The following AMDHD1 variants were observed in gnomAD, a reference collection of about 807,000 sequenced individuals.
The protein encoded by AMDHD1 is probable imidazolonepropionase.
A neutral mutation model predicts 44.1 loss-of-function variants in AMDHD1; 45 were observed. The observed-to-expected ratio is 1.02, with a 90% CI of 0.80 to 1.31. AMDHD1 has a LOEUF of 1.31. Among genes scored for constraint, AMDHD1 ranks in the 50% most tolerant of loss-of-function variants. The pLI is 0.00. For synonymous variants in AMDHD1, 206 were observed against 205.0 expected (o/e 1.00, Z -0.04); for missense variants, 586 against 552.1 (o/e 1.06, Z -0.61).
At chr12:95,958,031 C>T (rs1296618518) in intron 4 of AMDHD1, among the ~76,000 whole-genome samples, 1 of 151,946 alleles carries the variant, frequency 6.6e-6, no homozygotes, top group East Asian at 1.9e-4. Context: ...CCAGCCTGGG[C>T]GACAGAGCAA....
At position 95,964,032 on chromosome 12, in the gene AMDHD1, T is replaced by TAAAAAAAAAAA. The variant is rs35799594; in HGVS notation, c.938+1561_938+1571dup. ...CAACAGAGTGAGTGAGATTCCATCT[T>TAAAAAAAAAAA]AAAAAAAAAAAAAAAAAAGGCCTTT... On this transcript the variant is annotated intron_variant, in intron 6 of 8. Transcript: ENST00000266736. Among the ~76,000 whole-genome samples the TAAAAAAAAAAA allele has an allele frequency of 3.9e-3, 461 of 119,200 alleles. 8 individuals are homozygous for TAAAAAAAAAAA. Among genetic ancestry groups the TAAAAAAAAAAA allele is most frequent in the East Asian group, 0.02 (70 of 3,538 alleles). The allele number at this position is 119,200 out of a possible 152,430, so 78.2% of individuals were successfully genotyped here.
rs1358362189 is a variant in AMDHD1 at position 95,956,695 on chromosome 12, C to G, written c.320C>G (p.Ala107Gly). ...GAGGCGTGTGTTCAGTTGGCAGGAG[C>G]CACCTACATGGAAATTCACCAGGCC... is the stretch of plus-strand genomic sequence containing the variant. The part of the protein sequence containing the change: ...VHEFAMKLAG[A>G]TYMEIHQAGG... The change falls in exon 4 of 9, where the codon GCC becomes GGC. Residue 107 changes from alanine (A) to glycine (G), a missense_variant. Transcript: ENST00000266736. 3.1e-6 allele frequency: 5 copies of G among 1,613,784 alleles called. No individual in the cohort carries two copies. The African/African-American group carries it at 5.3e-5, about 17-fold the overall frequency.
Position 95,963,344 on chromosome 12 carries a change from G to A in AMDHD1, c.938+865G>A, listed in dbSNP as rs567087479. On this transcript the variant is annotated intron_variant, in intron 6 of 8. Transcript: ENST00000266736. ...AGGGGATGCTACTGGCATCTAGTGG[G>A]TAGAGGCCAGGGTTGCTGCTAAACA... 3.7e-4 allele frequency among the ~76,000 whole-genome samples: 57 copies of A among 152,224 alleles called. 1 individual carries two copies. The highest frequency in any genetic ancestry group is 7.8e-4 in the Admixed American group (12 of 15,298).
intron 1 of AMDHD1, among the ~76,000 whole-genome samples, chr12:95,945,099 A>C (rs1392803026): frequency 6.6e-6 from 1 of 152,144 alleles, no homozygotes; most frequent in Non-Finnish European, 1.5e-5. Context: ...TCGCCACTGC[A>C]CTCCAGCCTG....
chr12:95,967,991 G>C lies in AMDHD1; in HGVS notation c.*148G>C. Reference sequence around the variant, plus strand: ...TTTTTAAGTCACTCAAAAAACCCAAGGGATAGATTTATTTTCATTTAACAC... The same window carrying C: ...TTTTTAAGTCACTCAAAAAACCCAACGGATAGATTTATTTTCATTTAACAC... On this transcript the variant is annotated 3_prime_UTR_variant, in exon 9 of 9. Coordinates refer to ENST00000266736, the MANE Select transcript of AMDHD1 (RefSeq NM_152435.3). 2 of 558,642 alleles carry C rather than the reference G, an allele frequency of 3.6e-6. No homozygotes were observed. Among genetic ancestry groups the C allele is most frequent in the South Asian group, 2.6e-5 (1 of 38,158 alleles). 34.6% of individuals were successfully genotyped at this position (558,642 alleles called of 1,614,324 possible).
rs1457041889 is a variant in AMDHD1, at chr12:95,956,051, G to A, written c.310-634G>A. ...CTGATACTTAGCAAGTACACATTGC[G>A]GGTTGATTGACTTGTTAAAATATTG... On this transcript the variant is annotated intron_variant, in intron 3 of 8. Transcript: ENST00000266736. Among the ~76,000 whole-genome samples, 3 of 152,074 alleles carry A rather than the reference G, an allele frequency of 2.0e-5. No homozygotes were observed. In the East Asian group the frequency reaches 5.8e-4, roughly 29 times the overall value.
At chr12:95,955,860 T>C (rs1463363113) in intron 3 of AMDHD1, among the ~76,000 whole-genome samples, 2 of 152,100 alleles carry the variant, frequency 1.3e-5, no homozygotes, top group African/African-American at 4.8e-5. Context: ...AAGAGCCTCT[T>C]TGAGTGACAA....
intron 1 of AMDHD1, among the ~76,000 whole-genome samples, chr12:95,947,811 T>TG (rs1444265647): frequency 3.5e-5 from 2 of 57,198 alleles, no homozygotes; most frequent in Non-Finnish European, 6.9e-5. Flanking sequence ...GGGAGGGAGG[T>TG]GGGGGGGTCA....
chr12:95,957,052 AG>A, intron 4 of AMDHD1, 90 bp downstream of exon 4: 1 of 1,536,064 alleles, frequency 6.5e-7, no homozygotes, highest in Non-Finnish European at 8.9e-7. Context: ...TAGCTCTTGC[AG>A]GGAGATGGAT....
chr12:95,955,476 A>G (rs1384545403), intron 3 of AMDHD1, among the ~76,000 whole-genome samples: 1 of 152,162 alleles, frequency 6.6e-6, no homozygotes, highest in Non-Finnish European at 1.5e-5. Flanking sequence ...AAAAAAAAAG[A>G]TGTGCCTCCT....
At chr12:95,965,603 G>A (rs1409850959) in intron 6 of AMDHD1, 83 bp from the exon 7 acceptor site, 5 of 821,004 alleles carry the variant, frequency 6.1e-6, no homozygotes, top group South Asian at 3.7e-5. Context: ...GGCGTTGACT[G>A]TCTCAAGTTC....
At chr12:95,944,991 GGGC>G (rs1565975486) in intron 1 of AMDHD1, among the ~76,000 whole-genome samples, 1 of 151,996 alleles carries the variant, frequency 6.6e-6, no homozygotes, top group Non-Finnish European at 1.5e-5. Context: ...AACATTAGCC[GGGC>G]ATGGCGGCGC....
At position 95,956,672 on chromosome 12, in the gene AMDHD1, G is replaced by C. The variant is rs2080551447; in HGVS notation, c.310-13G>C. The stretch of plus-strand genomic sequence containing the variant: ...CTGGCATGTGCTGGCCTAAAGGTGA[G>C]GCGTGTGTTCAGTTGGCAGGAGCCA... On this transcript the variant is annotated splice_polypyrimidine_tract_variant and intron_variant, in intron 3 of 8. Transcript: ENST00000266736. 1 of 1,612,714 alleles carries C rather than the reference G, an allele frequency of 6.2e-7. No homozygotes were observed. The highest frequency in any genetic ancestry group is 8.5e-7 in the Non-Finnish European group (1 of 1,178,936).
intron 6 of AMDHD1, among the ~76,000 whole-genome samples, chr12:95,962,865 T>C (rs575282165): frequency 1.3e-4 from 20 of 152,344 alleles, no homozygotes; most frequent in African/African-American, 3.8e-4. Context: ...TTAGCAGTAT[T>C]CAGAATCTGC....
chr12:95,955,936 G>A (rs2080547140), intron 3 of AMDHD1, among the ~76,000 whole-genome samples: 1 of 152,204 alleles, frequency 6.6e-6, no homozygotes, highest in Admixed American at 6.5e-5. Flanking sequence ...CCGCTTTAGT[G>A]GAGATCTGAA....
chr12:95,948,540 G>T (rs2080511895), intron 1 of AMDHD1, among the ~76,000 whole-genome samples: 1 of 57,716 alleles, frequency 1.7e-5, no homozygotes, highest in African/African-American at 1.3e-4. Flanking sequence ...GAGGGAGGTG[G>T]GGGGGGGGTC....
intron 1 of AMDHD1, among the ~76,000 whole-genome samples, chr12:95,949,719 G>GT (rs2080518262): frequency 6.6e-6 from 1 of 152,126 alleles, no homozygotes; most frequent in Non-Finnish European, 1.5e-5. Context: ...TTGTATTCGG[G>GT]TTTTTTCACT....
chr12:95,952,495 C>G (rs2080529596), intron 1 of AMDHD1, among the ~76,000 whole-genome samples: 1 of 152,156 alleles, frequency 6.6e-6, no homozygotes, highest in South Asian at 2.1e-4. Flanking sequence ...TGTGATTCCT[C>G]CAGTTTTGTT....
At chr12:95,962,579 C>G in intron 6 of AMDHD1, 100 bp downstream of exon 6, 1 of 1,336,480 alleles carries the variant, frequency 7.5e-7, no homozygotes, top group Non-Finnish European at 9.8e-7. Context: ...CCTTACAAAT[C>G]CCTTAAAAAT....
Sources: gnomAD v4.1 joint callset for allele counts (sites outside exome capture counted in the v4.1 genomes callset) on GRCh38, gnomAD v4.1.1 for gene constraint, MANE v1.5 for transcripts, NCBI Gene and HGNC (gene_info 2026-07-23, HGNC 2026-07-21) for gene names.